The following DSCAML1 variants were observed in gnomAD, a reference collection of about 807,000 sequenced individuals.
The protein encoded by DSCAML1 is DS cell adhesion molecule like 1, also known as cell adhesion molecule DSCAML1.
DSCAML1 carries 38 observed loss-of-function variants against 200.5 expected under a neutral mutation model. The observed-to-expected ratio is 0.19, with a 90% CI of 0.15 to 0.25. The LOEUF is 0.25. Ranked by LOEUF, DSCAML1 falls within the 10% of genes least tolerant of loss-of-function variation. The probability of loss-of-function intolerance (pLI) is 1.00; values close to 1 mark genes in which losing one functional copy is unlikely to be tolerated. For synonymous variants in DSCAML1, 1,215 were observed against 1,165.0 expected (o/e 1.04, Z -0.87); for missense variants, 2,223 against 2,858.8 (o/e 0.78, Z 5.07).
At chr11:117,811,631 G>A (rs564526097) in intron 1 of DSCAML1, among the ~76,000 whole-genome samples, 7 of 152,302 alleles carry the variant, frequency 4.6e-5, no homozygotes, top group African/African-American at 1.4e-4. Context: ...TCCCATCTGC[G>A]CGGGACCCCA....
chr11:117,644,721 C>T (rs1015682820), intron 3 of DSCAML1, among the ~76,000 whole-genome samples: 2 of 152,230 alleles, frequency 1.3e-5, no homozygotes, highest in Non-Finnish European at 2.9e-5. Flanking sequence ...GGGGACCCCC[C>T]CTCTGGCAAT....
At chr11:117,512,799 A>ACACACACACACACACC (rs1555179361) in intron 8 of DSCAML1, among the ~76,000 whole-genome samples, 3 of 137,602 alleles carry the variant, frequency 2.2e-5, no homozygotes, top group Admixed American at 1.4e-4. Context: ...ACACACACAC[A>ACACACACACACACACC]CACCCCTCCC....
intron 3 of DSCAML1, among the ~76,000 whole-genome samples, chr11:117,545,492 T>C (rs889419631): frequency 6.6e-6 from 1 of 152,152 alleles, no homozygotes; most frequent in Non-Finnish European, 1.5e-5. Flanking sequence ...CTGGACATGC[T>C]CTTCCCTAGG....
At chr11:117,639,430 A>AGCTGGATGGGTGGGAG (rs373747623) in intron 3 of DSCAML1, among the ~76,000 whole-genome samples, 1 of 87,000 alleles carries the variant, frequency 1.1e-5, no homozygotes, top group African/African-American at 4.5e-5. Context: ...ATGGATGGGA[A>AGCTGGATGGGTGGGAG]GCTGGATGGG....
intron 3 of DSCAML1, among the ~76,000 whole-genome samples, chr11:117,697,773 CTTT>C (rs571575861): frequency 6.5e-5 from 9 of 138,048 alleles, no homozygotes; most frequent in Admixed American, 2.2e-4. Flanking sequence ...TCAAAATTTC[CTTT>C]TTTTTTTTTT....
At chr11:117,520,420 A>C (rs890535504) in intron 6 of DSCAML1, among the ~76,000 whole-genome samples, 2 of 152,156 alleles carry the variant, frequency 1.3e-5, no homozygotes, top group African/African-American at 2.4e-5. Flanking sequence ...GAGGAATTGC[A>C]AGTCTAGAGG....
chr11:117,566,817 G>A (rs1230544311), intron 3 of DSCAML1, among the ~76,000 whole-genome samples: 1 of 150,822 alleles, frequency 6.6e-6, no homozygotes, highest in Non-Finnish European at 1.5e-5. Flanking sequence ...CTATGAGTGA[G>A]AATATGCGGT....
intron 3 of DSCAML1, among the ~76,000 whole-genome samples, chr11:117,600,201 C>T (rs542882227): frequency 2.6e-5 from 4 of 152,344 alleles, no homozygotes; most frequent in Non-Finnish European, 2.9e-5. Context: ...TCACATCTTC[C>T]GTTGCCGGCG....
intron 11 of DSCAML1, among the ~76,000 whole-genome samples, chr11:117,486,450 T>TGTGAAAGTGGCGGATGG: frequency 6.6e-6 from 1 of 150,588 alleles, no homozygotes; most frequent in African/African-American, 2.4e-5. Flanking sequence ...GTGGCAGATA[T>TGTGAAAGTGGCGGATGG]GAAAGTAGCG....
intron 3 of DSCAML1, among the ~76,000 whole-genome samples, chr11:117,708,469 T>C (rs2053790186): frequency 6.6e-6 from 1 of 152,242 alleles, no homozygotes; most frequent in Non-Finnish European, 1.5e-5. Context: ...AACCTAAGCC[T>C]CAATTTTCTC....
intron 3 of DSCAML1, among the ~76,000 whole-genome samples, chr11:117,553,383 A>G (rs2050501851): frequency 6.6e-6 from 1 of 152,364 alleles, no homozygotes; most frequent in East Asian, 1.9e-4. Context: ...TGCAAATCAT[A>G]TCTCTGATAA....
intron 19 of DSCAML1, among the ~76,000 whole-genome samples, chr11:117,451,267 T>A (rs1409554311): frequency 6.6e-6 from 1 of 152,158 alleles, no homozygotes. Context: ...CCCCTTGCCC[T>A]CCTCTCTGGG....
chr11:117,773,754 G>T (rs1371572948), intron 3 of DSCAML1, among the ~76,000 whole-genome samples: 2 of 152,146 alleles, frequency 1.3e-5, no homozygotes, highest in Non-Finnish European at 2.9e-5. Context: ...AGTCCTCCAT[G>T]ATCATGCTAG....
rs148557041 is a variant in DSCAML1, at chr11:117,628,731, G to A, written c.512-96209C>T. On this transcript the variant is annotated intron_variant, in intron 3 of 32. Transcript: ENST00000651296. ...TGGGATGGACACTTCCATGGGAAGGGGAAGTTATACGTGGACTTATATCCT... is the reference window on the plus strand; with the variant it reads ...TGGGATGGACACTTCCATGGGAAGGAGAAGTTATACGTGGACTTATATCCT... 5.5e-3 allele frequency among the ~76,000 whole-genome samples: 833 copies of A among 152,306 alleles called. 7 individuals are homozygous for A. The highest frequency in any genetic ancestry group is 0.019 in the African/African-American group (788 of 41,560).
At chr11:117,481,348 TC>T in intron 12 of DSCAML1, 78 bp from the exon 13 acceptor site, 1 of 1,404,836 alleles carries the variant, frequency 7.1e-7, no homozygotes, top group Non-Finnish European at 1.0e-6. Flanking sequence ...AAGGGGTCAC[TC>T]CAGGGCTCTC....
chr11:117,429,343 T>G (rs2047735915), intron 32 of DSCAML1, among the ~76,000 whole-genome samples: 1 of 152,210 alleles, frequency 6.6e-6, no homozygotes. Context: ...TCCAGATGTT[T>G]GAAGTCAGCT....
intron 3 of DSCAML1, among the ~76,000 whole-genome samples, chr11:117,649,260 T>G (rs2052581274): frequency 6.6e-6 from 1 of 152,084 alleles, no homozygotes; most frequent in Non-Finnish European, 1.5e-5. Flanking sequence ...GTATTTTTAG[T>G]AGAGACGAGG....
intron 3 of DSCAML1, among the ~76,000 whole-genome samples, chr11:117,612,230 G>T (rs1214581468): frequency 6.6e-6 from 1 of 152,118 alleles, no homozygotes; most frequent in Non-Finnish European, 1.5e-5. Flanking sequence ...AGCTCCACTG[G>T]GCAGGCAAAG....
chr11:117,799,381 G>A (rs1195059943), upstream of DSCAML1, among the ~76,000 whole-genome samples: 1 of 152,164 alleles, frequency 6.6e-6, no homozygotes. Flanking sequence ...CTCACACGCT[G>A]GAAGTAGCGG....
Sources: gnomAD v4.1 joint callset for allele counts (sites outside exome capture counted in the v4.1 genomes callset) on GRCh38, gnomAD v4.1.1 for gene constraint, MANE v1.5 for transcripts, NCBI Gene and HGNC (gene_info 2026-07-23, HGNC 2026-07-21) for gene names.